DDO: variants seen among roughly 807,000 people sequenced by gnomAD.
DDO encodes the protein D-aspartate oxidase.
In DDO, 16 loss-of-function variants were observed where a neutral mutation model predicts 16.8. The ratio of observed to expected loss-of-function variants is 0.95; its 90% CI spans 0.65 to 1.45. The LOEUF is 1.45. Ranked by LOEUF, DDO falls within the 40% of genes most tolerant of loss-of-function variation. DDO has a pLI of 0.00. For synonymous variants in DDO, 180 were observed against 167.2 expected, an observed-to-expected ratio of 1.08 and a Z score of -0.59; for missense variants, 429 against 420.3, an observed-to-expected ratio of 1.02 and a Z score of -0.18.
downstream of DDO, among the ~76,000 whole-genome samples, chr6:110,389,575 G>A (rs1056807359): frequency 7.2e-5 from 11 of 152,180 alleles, no homozygotes; most frequent in African/African-American, 2.7e-4. Context: ...ACAGAAAAAA[G>A]AGAAGACTTC....
intron 2 of DDO, 46 bp downstream of exon 2, chr6:110,413,245 C>CT: frequency 1.9e-6 from 3 of 1,589,090 alleles, no homozygotes; most frequent in Non-Finnish European, 2.6e-6. Flanking sequence ...TAACATCATT[C>CT]TATCTGACAT....
chr6:110,400,733 T>G (rs1322058387), intron 4 of DDO, among the ~76,000 whole-genome samples: 1 of 152,250 alleles, frequency 6.6e-6, no homozygotes, highest in Non-Finnish European at 1.5e-5. Flanking sequence ...AGAAAGTTTG[T>G]GAAGAAACGC....
chr6:110,404,695 A>G, intron 4 of DDO, 79 bp downstream of exon 4: 1 of 1,487,530 alleles, frequency 6.7e-7, no homozygotes, highest in South Asian at 1.3e-5. Context: ...GAGACTTTTC[A>G]GTATGTATTT....
chr6:110,411,021 G>C (rs926109891), intron 2 of DDO, among the ~76,000 whole-genome samples: 1 of 152,144 alleles, frequency 6.6e-6, no homozygotes, highest in Non-Finnish European at 1.5e-5. Flanking sequence ...GAAAAAAGGA[G>C]TGTTAAGGAA....
At position 110,393,273 on chromosome 6, in the gene DDO, A is replaced by G; in HGVS notation, c.528T>C (p.Phe176=). 6.2e-7 allele frequency: 1 copy of G among 1,613,918 alleles called. No homozygotes were observed. Among genetic ancestry groups the G allele is most frequent in the Non-Finnish European group, 8.5e-7 (1 of 1,179,824 alleles). ...IEDLWELHPS[F]DIVVNCSGLG... ...GGCCTGAACAGTTGACCACGATGTC[A>G]AAGGACGGATGAAGTTCCCACAGGT... Residue 176 remains phenylalanine (F), a synonymous_variant, in exon 5 of 5, where the codon TTT becomes TTC. Transcript: ENST00000368924.
At chr6:110,398,364 T>G (rs886489469) in intron 4 of DDO, among the ~76,000 whole-genome samples, 1 of 147,598 alleles carries the variant, frequency 6.8e-6, no homozygotes, top group Non-Finnish European at 1.5e-5. Context: ...AAGGGTCCAC[T>G]AAGCAAATCT....
downstream of DDO, among the ~76,000 whole-genome samples, chr6:110,389,635 C>G (rs537311759): frequency 6.6e-6 from 1 of 152,254 alleles, no homozygotes; most frequent in African/African-American, 2.4e-5. Context: ...TAACTAGAAG[C>G]AAAGCATCCT....
intron 4 of DDO, among the ~76,000 whole-genome samples, chr6:110,402,438 G>A (rs1425574195): frequency 6.6e-6 from 1 of 152,186 alleles, no homozygotes; most frequent in East Asian, 1.9e-4. Context: ...GCCGAGACGG[G>A]TGGATCACCT....
chr6:110,391,715 G>A (rs1773106048), downstream of DDO: 1 of 152,208 alleles, frequency 6.6e-6, no homozygotes, highest in South Asian at 2.1e-4. Flanking sequence ...GCTCTCTAGA[G>A]GATTCACAAT....
intron 3 of DDO, among the ~76,000 whole-genome samples, chr6:110,407,800 C>T (rs1773707525): frequency 6.6e-6 from 1 of 152,218 alleles, no homozygotes; most frequent in Non-Finnish European, 1.5e-5. Flanking sequence ...TGAAATTATA[C>T]ATTAAAAATG....
rs144506389 is a variant in DDO at position 110,392,887 on chromosome 6, C to A, written c.914G>T (p.Gly305Val). The change falls in exon 5 of 5, where the codon GGC becomes GTC. Residue 305 changes from glycine (G) to valine (V), a missense_variant. Coordinates refer to ENST00000368924, the MANE Select transcript of DDO (RefSeq NM_001372108.2). Reference protein sequence around the residue: ...GQRLPVVHHYGHGSGGISVHW... With the variant: ...GQRLPVVHHYVHGSGGISVHW... ...CACTGAGATGCCCCCACTCCCATGG[C>A]CATAGTGGTGGACTACAGGCAGCCT... 1.9e-6 allele frequency: 3 copies of A among 1,614,052 alleles called. No individual in the cohort carries two copies. The African/African-American group carries it at 4.0e-5, about 22-fold the overall frequency.
chr6:110,405,331 G>C (rs9320329), intron 3 of DDO, among the ~76,000 whole-genome samples: 134,769 of 152,310 alleles, frequency 0.88, 59,656 homozygotes, highest in East Asian at 0.95. Flanking sequence ...AGCCACTACA[G>C]CTGGCCTAGA....
intron 4 of DDO, among the ~76,000 whole-genome samples, chr6:110,400,022 C>G (rs1019630672): frequency 4.0e-4 from 61 of 152,304 alleles, no homozygotes; most frequent in African/African-American, 1.4e-3. Context: ...GGTCTCCGGC[C>G]GATGGCGTTG....
chr6:110,405,906 A>G (rs1773637904), intron 3 of DDO, among the ~76,000 whole-genome samples: 1 of 152,210 alleles, frequency 6.6e-6, no homozygotes, highest in Non-Finnish European at 1.5e-5. Context: ...CTCAAAAAAA[A>G]AAAAGTTATA....
chr6:110,396,421 G>A (rs1234160345), intron 4 of DDO, among the ~76,000 whole-genome samples: 1 of 152,244 alleles, frequency 6.6e-6, no homozygotes, highest in Non-Finnish European at 1.5e-5. Flanking sequence ...TGCTTGCTCT[G>A]AGATCACATG....
intron 4 of DDO, among the ~76,000 whole-genome samples, chr6:110,395,497 G>A (rs1773261809): frequency 6.6e-6 from 1 of 151,756 alleles, no homozygotes; most frequent in Non-Finnish European, 1.5e-5. Flanking sequence ...CAGAACTTTG[G>A]CATCTTCTCT....
intron 4 of DDO, among the ~76,000 whole-genome samples, chr6:110,400,427 G>A (rs1040602490): frequency 3.3e-5 from 5 of 151,854 alleles, no homozygotes; most frequent in Non-Finnish European, 5.9e-5. Flanking sequence ...GAGGCAGGGC[G>A]GCACCAGGCC....
At chr6:110,409,658 A>G (rs1318696803) in intron 2 of DDO, among the ~76,000 whole-genome samples, 1 of 152,236 alleles carries the variant, frequency 6.6e-6, no homozygotes, top group Non-Finnish European at 1.5e-5. Context: ...TGTGAAATTA[A>G]CACTATATTC....
At chr6:110,413,571 A>T in intron 1 of DDO, 105 bp from the exon 2 acceptor site, 1 of 1,159,810 alleles carries the variant, frequency 8.6e-7, no homozygotes, top group Non-Finnish European at 1.2e-6. Context: ...GCCACTCAGA[A>T]TAAGACTTAG....
Sources: allele counts gnomAD v4.1 joint callset (sites outside exome capture counted in the v4.1 genomes callset), GRCh38; gene constraint gnomAD v4.1.1; transcripts MANE v1.5; gene names NCBI Gene and HGNC (gene_info 2026-07-23, HGNC 2026-07-21).